ZNF664: variants seen among roughly 807,000 people sequenced by gnomAD.
ZNF664 encodes zinc finger protein 664.
A neutral mutation model predicts 18.2 loss-of-function variants in ZNF664; 10 were observed. That is an observed-to-expected ratio of 0.55 (90% CI 0.34 to 0.93). The LOEUF (loss-of-function observed/expected upper bound fraction) is 0.93. Ranked by LOEUF, ZNF664 falls within the 40% of genes least tolerant of loss-of-function variation. The probability of loss-of-function intolerance (pLI) is 0.02; values close to 1 mark genes in which losing one functional copy is unlikely to be tolerated. For synonymous variants in ZNF664, 119 were observed against 104.2 expected (o/e 1.14, Z -0.86); for missense variants, 193 against 319.0 (o/e 0.61, Z 3.01).
chr12:123,974,189 A>G (rs986900169), intron 2 of ZNF664, 169 bp downstream of exon 2: 1 of 433,082 alleles, frequency 2.3e-6, no homozygotes, highest in African/African-American at 2.0e-5. Context: ...CCGCCACATC[A>G]CCTCTCATTT....
intron 3 of ZNF664, among the ~76,000 whole-genome samples, chr12:123,996,696 G>A (rs1956952391): frequency 6.6e-6 from 1 of 152,146 alleles, no homozygotes; most frequent in African/African-American, 2.4e-5. Flanking sequence ...GTTGGGGGCG[G>A]GCTTTATAAT....
intron 2 of ZNF664, among the ~76,000 whole-genome samples, chr12:123,981,739 T>A (rs972379467): frequency 2.0e-5 from 3 of 152,222 alleles, no homozygotes; most frequent in Non-Finnish European, 4.4e-5. Context: ...ATAGGACACA[T>A]AGGTGTGTCA....
intron 3 of ZNF664, chr12:123,998,414 C>G (rs766430852): frequency 5.9e-5 from 9 of 152,204 alleles, no homozygotes; most frequent in African/African-American, 2.2e-4. Flanking sequence ...TACAGAGATG[C>G]CTTGGTCACT....
chr12:123,973,619 C>A (rs891582519), intron 1 of ZNF664: 67 of 448,454 alleles, frequency 1.5e-4, no homozygotes, highest in Admixed American at 2.4e-4. Flanking sequence ...GGCCGGGGGG[C>A]GCAGATGGCG....
intron 2 of ZNF664, among the ~76,000 whole-genome samples, chr12:123,986,614 G>A (rs1347064947): frequency 6.6e-6 from 1 of 152,192 alleles, no homozygotes; most frequent in Admixed American, 6.5e-5. Context: ...GAGAGAGAGG[G>A]AATCTGATTT....
At chr12:123,975,507 C>T (rs887848758) in intron 2 of ZNF664, among the ~76,000 whole-genome samples, 6 of 151,886 alleles carry the variant, frequency 4.0e-5, no homozygotes, top group Non-Finnish European at 8.8e-5. Flanking sequence ...TCACTGCAGC[C>T]TGGGACTCCT....
At chr12:123,996,740 G>T (rs1241180298) in intron 3 of ZNF664, among the ~76,000 whole-genome samples, 1 of 152,190 alleles carries the variant, frequency 6.6e-6, no homozygotes, top group Non-Finnish European at 1.5e-5. Flanking sequence ...CAATTAGATT[G>T]CAGGGCTCTG....
At chr12:124,006,713 G>A (rs942772665) in intron 3 of ZNF664, among the ~76,000 whole-genome samples, 5 of 152,198 alleles carry the variant, frequency 3.3e-5, no homozygotes, top group Non-Finnish European at 5.9e-5. Flanking sequence ...CAACTGCACT[G>A]TCATTTTGTT....
At chr12:124,011,100 T>C (rs901564469) in intron 3 of ZNF664, among the ~76,000 whole-genome samples, 3 of 152,242 alleles carry the variant, frequency 2.0e-5, no homozygotes, top group Non-Finnish European at 2.9e-5. Context: ...CATGTACTTA[T>C]TCTTTCTATA....
At chr12:123,997,655 T>G (rs1956965526) in intron 3 of ZNF664, 1 of 152,222 alleles carries the variant, frequency 6.6e-6, no homozygotes, top group Non-Finnish European at 1.5e-5. Context: ...ACTAACACAT[T>G]ATGATGTCAT....
chr12:123,985,885 C>T (rs112236972), intron 2 of ZNF664, among the ~76,000 whole-genome samples: 2,001 of 152,318 alleles, frequency 0.013, 20 homozygotes, highest in Middle Eastern at 0.027. Flanking sequence ...TTGTACAAAA[C>T]CATATGAGTT....
rs1016027340 is a variant in ZNF664 at position 124,013,279 on chromosome 12, T to C, written c.*349T>C. 3.5e-6 allele frequency: 1 copy of C among 283,602 alleles called. No homozygotes were observed. The highest frequency in any genetic ancestry group is 5.0e-5 in the Admixed American group (1 of 20,114). 17.6% of individuals were successfully genotyped at this position (283,602 alleles called of 1,614,324 possible). ...TTCTATCTATACTTTGCTTAAAAGC[T>C]ATCCCAGATACTCCCCCTTGAGGAG... is the stretch of plus-strand genomic sequence containing the variant. On this transcript the variant is annotated 3_prime_UTR_variant, in exon 5 of 5. Transcript: ENST00000337815.
chr12:124,002,304 A>G (rs12311848), intron 3 of ZNF664, among the ~76,000 whole-genome samples: 49,544 of 152,104 alleles, frequency 0.33, 8,253 homozygotes, highest in Middle Eastern at 0.37. Flanking sequence ...CAGAGAGTGC[A>G]GGAGGTGAGG....
chr12:124,012,068 C>G lies in ZNF664; in HGVS notation c.-77C>G, dbSNP rs993398322. 6.6e-7 allele frequency: 1 copy of G among 1,508,688 alleles called. No homozygotes were observed. Among genetic ancestry groups the G allele is most frequent in the Admixed American group, 2.4e-5 (1 of 42,462 alleles). 93.5% of individuals were successfully genotyped at this position (1,508,688 alleles called of 1,614,324 possible). A position where few individuals can be genotyped will look rare whatever the true frequency, so the allele number is the denominator to read the frequency against. On this transcript the variant is annotated 5_prime_UTR_variant, in exon 5 of 5. Coordinates refer to ENST00000337815, the MANE Select transcript of ZNF664 (RefSeq NM_152437.3). ...TGCCAAAATGGCCAAATAAGAGACT[C>G]TATGAAATAACAGTCTTGTAACTGT...
Position 124,012,156 on chromosome 12 carries a change from G to A in ZNF664, c.12G>A (p.Lys4=). ...ACCAAATAGGAAAAATGATCTACAAGTGCCCCATGTGTAGGGAATTTTTCT... is the reference window on the plus strand; with the variant it reads ...ACCAAATAGGAAAAATGATCTACAAATGCCCCATGTGTAGGGAATTTTTCT... The part of the protein sequence containing the change: MIY[K]CPMCREFFSE... Residue 4 remains lysine (K), a synonymous_variant, in exon 5 of 5, where the codon AAG becomes AAA. Transcript: ENST00000337815. 6.2e-7 allele frequency: 1 copy of A among 1,608,300 alleles called. No homozygotes were observed. Among genetic ancestry groups the A allele is most frequent in the Non-Finnish European group, 8.5e-7 (1 of 1,178,468 alleles).
intron 2 of ZNF664, among the ~76,000 whole-genome samples, chr12:123,976,715 C>T (rs963620424): frequency 4.6e-5 from 7 of 151,712 alleles, no homozygotes; most frequent in Admixed American, 2.6e-4. Context: ...CTGGAAGAGA[C>T]GTGAGCTTTC....
At chr12:123,982,054 T>C (rs1167370155) in intron 2 of ZNF664, among the ~76,000 whole-genome samples, 3 of 152,166 alleles carry the variant, frequency 2.0e-5, no homozygotes, top group African/African-American at 7.2e-5. Flanking sequence ...TGGGCATTAG[T>C]GGTCCTTTTG....
At chr12:123,989,695 A>T (rs1442353621) in intron 3 of ZNF664, among the ~76,000 whole-genome samples, 1 of 152,224 alleles carries the variant, frequency 6.6e-6, no homozygotes. Flanking sequence ...TGCTGAGCCC[A>T]CTGGCCAGAT....
In ZNF664 at chr12:124,013,480, C is replaced by T. The variant is rs1366784653; in HGVS notation, c.*550C>T. ...ATGTCCTCAAAATCCCCATAAATAT[C>T]CATCCCTTCCTAGATGGCATTAACT... On this transcript the variant is annotated 3_prime_UTR_variant, in exon 5 of 5. Transcript: ENST00000337815. 1 of 170,294 alleles carries T rather than the reference C, an allele frequency of 5.9e-6. No homozygotes were observed. The allele number at this position is 170,294 out of a possible 1,614,324, so 10.5% of individuals were successfully genotyped here.
Sources: gnomAD v4.1 joint callset for allele counts (sites outside exome capture counted in the v4.1 genomes callset) on GRCh38, gnomAD v4.1.1 for gene constraint, MANE v1.5 for transcripts, NCBI Gene and HGNC (gene_info 2026-07-23, HGNC 2026-07-21) for gene names.